The following BICD2 variants were observed in gnomAD, a reference collection of about 807,000 sequenced individuals.
BICD2 encodes BICD cargo adaptor 2.
In BICD2, 25 loss-of-function variants were observed where a neutral mutation model predicts 72.9. The ratio of observed to expected loss-of-function variants is 0.34; its 90% CI spans 0.25 to 0.48. BICD2 has a LOEUF of 0.48. Among genes scored for constraint, BICD2 ranks in the 20% least tolerant of loss-of-function variants. The probability of loss-of-function intolerance (pLI) is 0.99; values close to 1 mark genes in which losing one functional copy is unlikely to be tolerated. For synonymous variants in BICD2, 501 were observed against 516.1 expected (o/e 0.97, Z 0.40); for missense variants, 894 against 1,175.2 (o/e 0.76, Z 3.50).
At chr9:92,739,958 AG>A (rs1853865690) in intron 1 of BICD2, among the ~76,000 whole-genome samples, 1 of 152,226 alleles carries the variant, frequency 6.6e-6, no homozygotes, top group African/African-American at 2.4e-5. Flanking sequence ...TACAGTCACC[AG>A]GGTTCTCAGG....
chr9:92,714,181 C>T lies in BICD2; in HGVS notation c.*973G>A, dbSNP rs908575925. On this transcript the variant is annotated 3_prime_UTR_variant, in exon 7 of 7. Coordinates refer to ENST00000356884, the MANE Select transcript of BICD2 (RefSeq NM_001003800.2). ...GCCCTATGCAAAGCTTTCCCAGCAC[C>T]GGGCTGGGCTCTGGATACACCTGTG... 8.1e-6 allele frequency: 8 copies of T among 985,426 alleles called. No individual in the cohort carries two copies. Among genetic ancestry groups the T allele is most frequent in the African/African-American group, 5.2e-5 (3 of 57,236 alleles). 61.0% of individuals were successfully genotyped at this position (985,426 alleles called of 1,614,324 possible). A position where few individuals can be genotyped will look rare whatever the true frequency, so the allele number is the denominator to read the frequency against.
chr9:92,729,756 T>C (rs1400641211), intron 1 of BICD2, among the ~76,000 whole-genome samples: 1 of 152,222 alleles, frequency 6.6e-6, no homozygotes, highest in Non-Finnish European at 1.5e-5. Flanking sequence ...TGGTAAGAAC[T>C]AGACAGAGGC....
intron 1 of BICD2, among the ~76,000 whole-genome samples, chr9:92,754,144 C>CA (rs59231772): frequency 7.6e-4 from 107 of 140,370 alleles, no homozygotes; most frequent in South Asian, 3.6e-3. Flanking sequence ...GACTACATCT[C>CA]AAAAAAAAAA....
rs1853278571 is a variant in BICD2, at chr9:92,715,237, C to T, written c.2485G>A (p.Ala829Thr). 6.2e-7 allele frequency: 1 copy of T among 1,613,344 alleles called. No individual in the cohort carries two copies. Among genetic ancestry groups the T allele is most frequent in the South Asian group, 1.1e-5 (1 of 91,068 alleles). The change falls in exon 7 of 7, where the codon GCC becomes ACC. Residue 829 changes from alanine (A) to threonine (T), a missense_variant. By Grantham distance (58) the Ala-to-Thr change is moderately conservative (BLOSUM62 0). Transcript: ENST00000356884. ...CCCTCGGCCCTGTCGCTGGCACAGG[C>T]ACAGGTGTGACTTACGCTCGGTGTG... ...PATPSVSHTCACASDRAEGTG... is the reference protein window; with the variant it reads ...PATPSVSHTCTCASDRAEGTG...
At chr9:92,753,934 G>C (rs185259277) in intron 1 of BICD2, among the ~76,000 whole-genome samples, 196 of 151,628 alleles carry the variant, frequency 1.3e-3, no homozygotes, top group African/African-American at 4.5e-3. Flanking sequence ...CACGAGGTCA[G>C]GAGATCAAGA....
intron 1 of BICD2, among the ~76,000 whole-genome samples, chr9:92,746,402 G>A (rs1479707181): frequency 6.6e-6 from 1 of 152,076 alleles, no homozygotes; most frequent in East Asian, 1.9e-4. Context: ...CATGGTGGCA[G>A]GGGCCTGTAA....
intron 1 of BICD2, among the ~76,000 whole-genome samples, chr9:92,762,245 T>C (rs1330713969): frequency 6.6e-6 from 1 of 152,100 alleles, no homozygotes; most frequent in Non-Finnish European, 1.5e-5. Context: ...TTTTTTTAAA[T>C]GAAGAGTTAA....
At chr9:92,748,786 C>T (rs1350946007) in intron 1 of BICD2, among the ~76,000 whole-genome samples, 1 of 152,060 alleles carries the variant, frequency 6.6e-6, no homozygotes, top group African/African-American at 2.4e-5. Flanking sequence ...CCCCCAGGAG[C>T]GGACAGAGGT....
chr9:92,722,853 G>A (rs748091000), intron 2 of BICD2, 45 bp from the exon 3 acceptor site: 1 of 1,611,292 alleles, frequency 6.2e-7, no homozygotes, highest in Non-Finnish European at 8.5e-7. Flanking sequence ...CCTCCACAGG[G>A]CACGAGAGGG....
intron 1 of BICD2, among the ~76,000 whole-genome samples, chr9:92,751,957 A>T (rs1177747862): frequency 6.6e-6 from 1 of 151,682 alleles, no homozygotes; most frequent in Non-Finnish European, 1.5e-5. Flanking sequence ...GGCGCCCACC[A>T]CCACGAACAG....
rs1853239536 is a variant in BICD2, at chr9:92,713,676, G to A, written c.*1478C>T. 4 of 1,426,560 alleles carry A rather than the reference G, an allele frequency of 2.8e-6. No individual in the cohort carries two copies. Among genetic ancestry groups the A allele is most frequent in the Non-Finnish European group, 2.8e-6 (3 of 1,086,588 alleles). The allele number at this position is 1,426,560 out of a possible 1,614,324, so 88.4% of individuals were successfully genotyped here. A position where few individuals can be genotyped will look rare whatever the true frequency, so the allele number is the denominator to read the frequency against. ...CTATGTGCCAGGCTTGCAAGGAGAG[G>A]GCAAAGCGCATGCAGGGTGGGCATG... On this transcript the variant is annotated 3_prime_UTR_variant, in exon 7 of 7. Coordinates refer to ENST00000356884, the MANE Select transcript of BICD2 (RefSeq NM_001003800.2).
rs763486767 is a variant in BICD2 at position 92,719,597 on chromosome 9, G to A, written c.1063-15C>T. On this transcript the variant is annotated splice_polypyrimidine_tract_variant and intron_variant, in intron 4 of 6. Coordinates refer to ENST00000356884, the MANE Select transcript of BICD2 (RefSeq NM_001003800.2). ...TCCCGCTCCATCTGCAAAGGCACAG[G>A]CAGCAGGACACCATGTCAGTTGCTA... The A allele has an allele frequency of 1.9e-6, 3 of 1,580,988 alleles. No homozygotes were observed. Among genetic ancestry groups the A allele is most frequent in the Non-Finnish European group, 2.6e-6 (3 of 1,166,364 alleles).
Position 92,729,249 on chromosome 9 carries a change from A to G in BICD2, c.241-13T>C, listed in dbSNP as rs1564064608. 6.2e-7 allele frequency: 1 copy of G among 1,613,518 alleles called. No individual in the cohort carries two copies. The highest frequency in any genetic ancestry group is 8.5e-7 in the Non-Finnish European group (1 of 1,179,662). ...CTTGTCCAAAGGCCTGCATCAGAAG[A>G]CAAGACACTCGTGAGGTGGGCCTCC... is the stretch of plus-strand genomic sequence containing the variant. On this transcript the variant is annotated splice_polypyrimidine_tract_variant and intron_variant, in intron 1 of 6. Coordinates refer to ENST00000356884, the MANE Select transcript of BICD2 (RefSeq NM_001003800.2).
chr9:92,756,007 C>T (rs1234493928), intron 1 of BICD2, among the ~76,000 whole-genome samples: 1 of 152,198 alleles, frequency 6.6e-6, no homozygotes, highest in Non-Finnish European at 1.5e-5. Context: ...GAGTCCACTG[C>T]CATGCTAGTA....
chr9:92,757,639 G>A (rs544784483), intron 1 of BICD2, among the ~76,000 whole-genome samples: 102 of 149,748 alleles, frequency 6.8e-4, no homozygotes, highest in African/African-American at 2.4e-3. Flanking sequence ...CCCAGGAGGC[G>A]GAGCTTGCAG....
chr9:92,715,229 GGCA>G lies in BICD2; in HGVS notation c.2490_2492del (p.Ala831del), dbSNP rs1020845255. ...GCCCGGTGCCCTCGGCCCTGTCGCT[GGCA>G]CAGGCACAGGTGTGACTTACGCTCG... is the stretch of plus-strand genomic sequence containing the variant. On this transcript the variant is annotated inframe_deletion, in exon 7 of 7. Transcript: ENST00000356884. 6.2e-7 allele frequency: 1 copy of G among 1,613,106 alleles called. No individual in the cohort carries two copies. Among genetic ancestry groups the G allele is most frequent in the Non-Finnish European group, 8.5e-7 (1 of 1,179,886 alleles).
At chr9:92,724,763 G>A (rs1367480605) in intron 2 of BICD2, among the ~76,000 whole-genome samples, 1 of 152,186 alleles carries the variant, frequency 6.6e-6, no homozygotes, top group Non-Finnish European at 1.5e-5. Flanking sequence ...CCCCAGGAGT[G>A]TGCTTAGGGG....
At chr9:92,730,759 C>T (rs1413727272) in intron 1 of BICD2, among the ~76,000 whole-genome samples, 1 of 152,146 alleles carries the variant, frequency 6.6e-6, no homozygotes, top group Non-Finnish European at 1.5e-5. Context: ...TGGGACTGCA[C>T]GGGGGGACTC....
intron 6 of BICD2, among the ~76,000 whole-genome samples, chr9:92,717,344 C>A (rs140740276): frequency 6.6e-6 from 1 of 152,244 alleles, no homozygotes; most frequent in African/African-American, 2.4e-5. Context: ...GGGCCTGCTG[C>A]GGTTTCATTC....
Sources: gnomAD v4.1 joint callset for allele counts (sites outside exome capture counted in the v4.1 genomes callset) on GRCh38, gnomAD v4.1.1 for gene constraint, MANE v1.5 for transcripts, NCBI Gene and HGNC (gene_info 2026-07-23, HGNC 2026-07-21) for gene names.